The following STAB2 variants were observed in gnomAD, a reference collection of about 807,000 sequenced individuals.
STAB2 encodes stabilin 2.
Under a neutral mutation model 338.1 loss-of-function variants are expected in STAB2, and 288 were observed. The ratio of observed to expected loss-of-function variants is 0.85; its 90% CI spans 0.77 to 0.94. STAB2 has a LOEUF of 0.94. STAB2 is among the 40% of genes least tolerant of loss of function. STAB2 has a pLI of 0.00. For synonymous variants in STAB2, 1,202 were observed against 1,193.3 expected (o/e 1.01, Z -0.15); for missense variants, 3,141 against 3,210.1 (o/e 0.98, Z 0.52).
intron 24 of STAB2, among the ~76,000 whole-genome samples, chr12:103,676,885 C>T (rs996153661): frequency 1.3e-5 from 2 of 152,150 alleles, no homozygotes; most frequent in Non-Finnish European, 2.9e-5. Context: ...AGGATAAAAT[C>T]TAGATGAAAC....
At position 103,596,624 on chromosome 12, in the gene STAB2, G is replaced by T. The variant is rs560722393; in HGVS notation, c.331+2114G>T. 7.4e-4 allele frequency among the ~76,000 whole-genome samples: 112 copies of T among 152,272 alleles called. No homozygotes were observed. In the Middle Eastern group the frequency reaches 0.01, roughly 14 times the overall value. On this transcript the variant is annotated intron_variant, in intron 3 of 68. Transcript: ENST00000388887. Reference sequence around the variant, plus strand: ...GAATGGGTGACTCAAAGTCAAAATAGACCTCTGATAATGAAAGATGAATAA... The same window carrying T: ...GAATGGGTGACTCAAAGTCAAAATATACCTCTGATAATGAAAGATGAATAA...
chr12:103,684,353 A>T (rs917394328), intron 26 of STAB2, among the ~76,000 whole-genome samples: 5 of 152,132 alleles, frequency 3.3e-5, no homozygotes, highest in Non-Finnish European at 4.4e-5. Flanking sequence ...GCCAGGGCCC[A>T]CCCCTAGTAC....
chr12:103,610,342 T>C (rs1183499178), intron 3 of STAB2, among the ~76,000 whole-genome samples: 2 of 152,204 alleles, frequency 1.3e-5, no homozygotes, highest in Admixed American at 6.6e-5. Flanking sequence ...TGGTAAGCTA[T>C]TAATTATTGC....
At chr12:103,756,996 A>AATATATAT (rs869105400) in intron 63 of STAB2, among the ~76,000 whole-genome samples, 1,251 of 55,814 alleles carry the variant, frequency 0.022, 12 homozygotes, top group East Asian at 0.048. Context: ...AAGGAGGGAA[A>AATATATAT]ATATATATAT....
chr12:103,632,940 G>T (rs1260047294), intron 6 of STAB2, among the ~76,000 whole-genome samples: 2 of 152,208 alleles, frequency 1.3e-5, no homozygotes, highest in African/African-American at 4.8e-5. Flanking sequence ...TGAAAGGGTT[G>T]GGTGAGATTG....
At chr12:103,756,114 C>T (rs575376288) in intron 63 of STAB2, among the ~76,000 whole-genome samples, 1 of 152,338 alleles carries the variant, frequency 6.6e-6, no homozygotes, top group East Asian at 1.9e-4. Flanking sequence ...AAATGAGACA[C>T]TCTTTAATCC....
chr12:103,675,573 A>G (rs1876258467), intron 23 of STAB2, among the ~76,000 whole-genome samples: 1 of 152,374 alleles, frequency 6.6e-6, no homozygotes, highest in Middle Eastern at 3.4e-3. Flanking sequence ...AGGTGTTGAG[A>G]TTTATGATCT....
rs373761205 is a variant in STAB2, at chr12:103,655,594, G to T, written c.1734+13G>T. 10 of 1,613,028 alleles carry T rather than the reference G, an allele frequency of 6.2e-6. No homozygotes were observed. In the African/African-American group the frequency reaches 1.3e-4, roughly 22 times the overall value. On this transcript the variant is annotated intron_variant, in intron 15 of 68. Coordinates refer to ENST00000388887, the MANE Select transcript of STAB2 (RefSeq NM_017564.10). ...CCTTTCTCCAGAGGTACCGTATTCT[G>T]CTTGCTCTGATGGCATCGTGTCAGC... is the stretch of plus-strand genomic sequence containing the variant.
At chr12:103,726,217 A>C in intron 46 of STAB2, 54 bp downstream of exon 46, 1 of 1,584,868 alleles carries the variant, frequency 6.3e-7, no homozygotes, top group Non-Finnish European at 8.7e-7. Flanking sequence ...GGCCAGGTGC[A>C]GTGGCTCACA....
chr12:103,735,319 G>C (rs1026999041), intron 51 of STAB2, among the ~76,000 whole-genome samples, 172 bp from the exon 52 acceptor site: 1 of 152,222 alleles, frequency 6.6e-6, no homozygotes, highest in Non-Finnish European at 1.5e-5. Flanking sequence ...ACCTCCCAGA[G>C]AGCCCCGATT....
chr12:103,679,589 G>A (rs572608054), intron 25 of STAB2, among the ~76,000 whole-genome samples: 9 of 152,202 alleles, frequency 5.9e-5, no homozygotes, highest in Admixed American at 1.3e-4. Flanking sequence ...GGTGCTTCTC[G>A]GGGAGTGACA....
intron 5 of STAB2, among the ~76,000 whole-genome samples, chr12:103,630,597 G>T (rs1957444754): frequency 6.6e-6 from 1 of 152,192 alleles, no homozygotes; most frequent in African/African-American, 2.4e-5. Context: ...GATTATCCAG[G>T]TGAGTCCAAT....
chr12:103,740,729 A>G lies in STAB2; in HGVS notation c.5854A>G (p.Lys1952Glu). The part of the protein sequence containing the change: ...SLVIQIPRCC[K>E]GYFGRDCQAC... ...GGTGATACAGATCCCCAGGTGCTGC[A>G]AGGGCTACTTCGGGCGAGACTGTCA... Residue 1952 changes from lysine to glutamate, a missense_variant, in exon 55 of 69, where the codon AAG becomes GAG. Lys to Glu is a moderately conservative substitution (Grantham distance 56). Transcript: ENST00000388887. The G allele has an allele frequency of 6.3e-7, 1 of 1,596,972 alleles. No homozygotes were observed. Among genetic ancestry groups the G allele is most frequent in the Admixed American group, 1.8e-5 (1 of 55,604 alleles).
At chr12:103,621,983 C>A (rs148526153) in intron 4 of STAB2, 59 bp from the exon 5 acceptor site, 3 of 1,548,686 alleles carry the variant, frequency 1.9e-6, no homozygotes, top group Non-Finnish European at 2.7e-6. Context: ...AATCCAAGGC[C>A]TTCCTTGGTA....
In STAB2 at chr12:103,746,671, C is replaced by T; in HGVS notation, c.6211C>T (p.Leu2071=). 1 of 1,614,038 alleles carries T rather than the reference C, an allele frequency of 6.2e-7. No individual in the cohort carries two copies. Among genetic ancestry groups the T allele is most frequent in the East Asian group, 2.2e-5 (1 of 44,878 alleles). Residue 2071 remains leucine (L), a synonymous_variant, in exon 58 of 69, where the codon CTG becomes TTG. Transcript: ENST00000388887. ...CKENNTCECN[L]DYEGDGITCT... ...GGAGAACAACACGTGTGAGTGTAAC[C>T]TGGATTATGAAGGTGACGGAATCAC...
At position 103,674,158 on chromosome 12, in the gene STAB2, C is replaced by T. The variant is rs1006920347; in HGVS notation, c.2552+71C>T. On this transcript the variant is annotated intron_variant, in intron 23 of 68. Coordinates refer to ENST00000388887, the MANE Select transcript of STAB2 (RefSeq NM_017564.10). The stretch of plus-strand genomic sequence containing the variant: ...TGTAAGGGGATGGCACTTAATGACG[C>T]TGTGTTACCTGTAGACGGAGCCAAC... 3.3e-6 allele frequency: 5 copies of T among 1,522,278 alleles called. No individual in the cohort carries two copies. The African/African-American group carries it at 6.8e-5, about 21-fold the overall frequency. 94.3% of individuals were successfully genotyped at this position (1,522,278 alleles called of 1,614,324 possible).
intron 3 of STAB2, among the ~76,000 whole-genome samples, chr12:103,607,885 C>A (rs1957057170): frequency 6.6e-6 from 1 of 152,162 alleles, no homozygotes; most frequent in African/African-American, 2.4e-5. Context: ...GATTTATAAT[C>A]CTTTGGGGAT....
chr12:103,681,098 GGCTGCTTTCCTATTTATCTT>G (rs1448850641), intron 25 of STAB2, among the ~76,000 whole-genome samples: 1 of 152,176 alleles, frequency 6.6e-6, no homozygotes. Flanking sequence ...AGCGTCTGAG[GGCTGCTTTCCTATTTATCTT>G]TTTGATTTCT....
chr12:103,731,499 T>A (rs1881632604), intron 49 of STAB2, 77 bp from the exon 50 acceptor site: 1 of 1,515,100 alleles, frequency 6.6e-7, no homozygotes, highest in African/African-American at 1.4e-5. Context: ...CTTTACTTTT[T>A]TTCACTTGAG....
Sources: allele counts gnomAD v4.1 joint callset (sites outside exome capture counted in the v4.1 genomes callset), GRCh38; gene constraint gnomAD v4.1.1; transcripts MANE v1.5; gene names NCBI Gene and HGNC (gene_info 2026-07-23, HGNC 2026-07-21).